Variants in DOCK8 observed in about 807,000 individuals in gnomAD.
DOCK8 encodes dedicator of cytokinesis 8.
In DOCK8, 141 loss-of-function variants were observed where a neutral mutation model predicts 245.6. The ratio of observed to expected loss-of-function variants is 0.57; its 90% CI spans 0.50 to 0.66. The LOEUF (loss-of-function observed/expected upper bound fraction) is 0.66, where lower values mean the gene tolerates loss of function less well. Among genes scored for constraint, DOCK8 ranks in the 30% least tolerant of loss-of-function variants. DOCK8 has a pLI of 0.00. For synonymous variants in DOCK8, 1,168 were observed against 970.2 expected (o/e 1.20, Z -3.79); for missense variants, 2,965 against 2,603.4 (o/e 1.14, Z -3.02).
At chr9:390,388 G>C in intron 23 of DOCK8, 83 bp from the exon 24 acceptor site, 1 of 1,257,626 alleles carries the variant, frequency 8.0e-7, no homozygotes, top group Non-Finnish European at 1.2e-6. Flanking sequence ...ATTAAATTGG[G>C]GGGAATAAAA....
upstream of DOCK8, among the ~76,000 whole-genome samples, chr9:212,645 G>C (rs1457629492): frequency 6.6e-6 from 1 of 152,218 alleles, no homozygotes; most frequent in African/African-American, 2.4e-5. Flanking sequence ...GAAATCTGGA[G>C]ACAATTCTAA....
chr9:291,288 TGTAAG>T (rs765390597), intron 4 of DOCK8, among the ~76,000 whole-genome samples: 7 of 151,960 alleles, frequency 4.6e-5, no homozygotes, highest in Non-Finnish European at 1.0e-4. Context: ...CTTGCACAAA[TGTAAG>T]AGAAAAAAAT....
At chr9:234,323 C>T (rs947889350) in intron 1 of DOCK8, among the ~76,000 whole-genome samples, 3 of 152,190 alleles carry the variant, frequency 2.0e-5, no homozygotes, top group East Asian at 1.9e-4. Flanking sequence ...TCTGGCTGCC[C>T]TTAACATTTT....
intron 5 of DOCK8, among the ~76,000 whole-genome samples, chr9:310,369 A>AC (rs2050041989): frequency 6.6e-6 from 1 of 152,224 alleles, no homozygotes; most frequent in Admixed American, 6.5e-5. Context: ...CTTTAAAAAA[A>AC]ATTTTCACAA....
At chr9:400,381 A>ATCACCACCTCCT (rs2054852983) in intron 26 of DOCK8, among the ~76,000 whole-genome samples, 8 of 31,068 alleles carry the variant, frequency 2.6e-4, no homozygotes, top group Non-Finnish European at 7.0e-4. Flanking sequence ...CTCCTTCACC[A>ATCACCACCTCCT]TCACCATCAC....
intron 7 of DOCK8, 106 bp downstream of exon 7, chr9:317,234 A>G (rs2050386056): frequency 1.1e-6 from 1 of 934,766 alleles, no homozygotes; most frequent in South Asian, 1.4e-5. Context: ...AGCTCCCAAA[A>G]TACGTCTAAC....
Position 292,412 on chromosome 9 carries a change from A to AAAG in DOCK8, c.404+2832_404+2833insAGA, listed in dbSNP as rs2049083286. On this transcript the variant is annotated intron_variant, in intron 4 of 47. Coordinates refer to ENST00000432829, the MANE Select transcript of DOCK8 (RefSeq NM_203447.4). ...CAAAAAAAAAAAAAAAAAAAAAAAA[A>AAAG]AGATTATTGACACTACATGCATGAA... Among the ~76,000 whole-genome samples, 2 of 150,808 alleles carry AAAG rather than the reference A, an allele frequency of 1.3e-5. 1 individual carries two copies. Among genetic ancestry groups the AAAG allele is most frequent in the Admixed American group, 1.3e-4 (2 of 15,174 alleles).
intron 36 of DOCK8, among the ~76,000 whole-genome samples, chr9:430,069 G>A (rs2056653723): frequency 1.3e-5 from 2 of 152,144 alleles, no homozygotes; most frequent in African/African-American, 4.8e-5. Flanking sequence ...CTCTATCAGT[G>A]TGTTTCTAAA....
chr9:415,691 T>TGCACACACGCACACAC (rs1564036185), intron 29 of DOCK8, among the ~76,000 whole-genome samples: 3 of 96,604 alleles, frequency 3.1e-5, no homozygotes, highest in East Asian at 1.4e-3. Context: ...TGTGCGCGCG[T>TGCACACACGCACACAC]GCACACACAC....
At chr9:299,124 A>T (rs960647656) in intron 4 of DOCK8, among the ~76,000 whole-genome samples, 3 of 152,084 alleles carry the variant, frequency 2.0e-5, no homozygotes, top group Admixed American at 2.0e-4. Flanking sequence ...CACTACTTTG[A>T]GTTGGTTTTT....
At chr9:255,669 A>G (rs1026707023) in intron 1 of DOCK8, among the ~76,000 whole-genome samples, 3,962 of 45,420 alleles carry the variant, frequency 0.087, 114 homozygotes, top group South Asian at 0.14. Context: ...CTCCATCTCC[A>G]AAAAAAAAAA....
At chr9:304,543 C>T (rs778068292) in intron 4 of DOCK8, 38 bp from the exon 5 acceptor site, 1 of 1,613,302 alleles carries the variant, frequency 6.2e-7, no homozygotes, top group South Asian at 1.1e-5. Context: ...GCTCTCTCTC[C>T]CTCTTTCTCT....
intron 1 of DOCK8, among the ~76,000 whole-genome samples, chr9:225,751 T>C (rs1409781969): frequency 2.0e-5 from 3 of 152,156 alleles, no homozygotes; most frequent in Non-Finnish European, 4.4e-5. Context: ...ATAAGTGTGA[T>C]ACAGAGAATG....
chr9:392,875 C>G (rs2054263186), intron 24 of DOCK8, among the ~76,000 whole-genome samples: 1 of 151,860 alleles, frequency 6.6e-6, no homozygotes, highest in South Asian at 2.1e-4. Context: ...ACACATCCCA[C>G]CCACCATCAT....
intron 27 of DOCK8, among the ~76,000 whole-genome samples, chr9:405,588 C>T (rs2055378268): frequency 6.6e-6 from 1 of 152,160 alleles, no homozygotes; most frequent in South Asian, 2.1e-4. Flanking sequence ...CCCCACCCCA[C>T]CTCATACATT....
chr9:456,586 A>C (rs1056198987), intron 46 of DOCK8: 7 of 152,238 alleles, frequency 4.6e-5, no homozygotes, highest in African/African-American at 7.2e-5. Context: ...TAGTGGAAGC[A>C]GAAACAGCCA....
intron 4 of DOCK8, among the ~76,000 whole-genome samples, chr9:297,615 TA>T (rs2049319533): frequency 6.6e-6 from 1 of 152,176 alleles, no homozygotes; most frequent in Admixed American, 6.5e-5. Flanking sequence ...GACTCTCTTG[TA>T]GCCAGCGGCA....
At chr9:276,795 A>G (rs550792954) in intron 2 of DOCK8, among the ~76,000 whole-genome samples, 7 of 151,972 alleles carry the variant, frequency 4.6e-5, no homozygotes, top group East Asian at 1.9e-4. Context: ...GTAATATACT[A>G]TTGTCTTTTC....
At chr9:389,364 A>T (rs1333775277) in intron 23 of DOCK8, among the ~76,000 whole-genome samples, 1 of 152,196 alleles carries the variant, frequency 6.6e-6, no homozygotes, top group Non-Finnish European at 1.5e-5. Context: ...TGAAGACGCA[A>T]AGTGGAGCTG....
Sources: gnomAD v4.1 joint callset for allele counts (sites outside exome capture counted in the v4.1 genomes callset) on GRCh38, gnomAD v4.1.1 for gene constraint, MANE v1.5 for transcripts, NCBI Gene and HGNC (gene_info 2026-07-23, HGNC 2026-07-21) for gene names.